RBM39: variants seen among roughly 807,000 people sequenced by gnomAD.
RBM39 encodes RNA-binding protein 39.
RBM39 carries 12 observed loss-of-function variants against 79.6 expected under a neutral mutation model. That is an observed-to-expected ratio of 0.15 (90% CI 0.10 to 0.24). RBM39 has a LOEUF of 0.24. Ranked by LOEUF, RBM39 falls within the 10% of genes least tolerant of loss-of-function variation. RBM39 has a pLI of 1.00. For synonymous variants in RBM39, 185 were observed against 208.4 expected (o/e 0.89, Z 0.97); for missense variants, 243 against 653.4 (o/e 0.37, Z 6.85).
At chr20:35,719,383 T>C (rs75751462) in intron 9 of RBM39, among the ~76,000 whole-genome samples, 6,442 of 152,188 alleles carry the variant, frequency 0.042, 219 homozygotes, top group South Asian at 0.18. Flanking sequence ...GTTGAGTACT[T>C]GCAACAAGAC....
intron 13 of RBM39, among the ~76,000 whole-genome samples, chr20:35,708,289 C>G (rs2035993373): frequency 1.3e-5 from 2 of 151,712 alleles, no homozygotes; most frequent in Admixed American, 6.6e-5. Flanking sequence ...GTGTAGCTTA[C>G]AGAAGATATG....
intron 6 of RBM39, among the ~76,000 whole-genome samples, chr20:35,726,852 C>T (rs1417180646): frequency 6.6e-6 from 1 of 151,682 alleles, no homozygotes; most frequent in Admixed American, 6.6e-5. Flanking sequence ...TTTGGAAACG[C>T]AGTCTAGCTG....
intron 9 of RBM39, among the ~76,000 whole-genome samples, chr20:35,719,349 T>C (rs1297794030): frequency 6.6e-6 from 1 of 152,046 alleles, no homozygotes; most frequent in East Asian, 1.9e-4. Flanking sequence ...AATTTCTTAA[T>C]AGCTTACAGC....
chr20:35,705,051 G>T (rs1045935410), intron 15 of RBM39, 174 bp downstream of exon 15: 1 of 604,676 alleles, frequency 1.7e-6, no homozygotes, highest in Non-Finnish European at 2.9e-6. Flanking sequence ...AATTGTTACT[G>T]ATTTTCTTTT....
Position 35,741,936 on chromosome 20 carries a change from C to G in RBM39, c.-14+5G>C, listed in dbSNP as rs1272650668. The G allele has an allele frequency of 5.1e-6, 1 of 196,696 alleles. No homozygotes were observed. Among genetic ancestry groups the G allele is most frequent in the African/African-American group, 2.4e-5 (1 of 41,694 alleles). The allele number at this position is 196,696 out of a possible 1,614,324, so 12.2% of individuals were successfully genotyped here. On this transcript the variant is annotated splice_donor_5th_base_variant and intron_variant, in intron 1 of 16. Coordinates refer to ENST00000253363, the MANE Select transcript of RBM39 (RefSeq NM_184234.3). The stretch of plus-strand genomic sequence containing the variant: ...GATAATACGCGGGTCCGCAACGCCC[C>G]GTACCTGTTCCGGCCTTCGGGCGCC...
At chr20:35,706,022 C>T (rs1013181487) in intron 14 of RBM39, among the ~76,000 whole-genome samples, 2 of 151,954 alleles carry the variant, frequency 1.3e-5, no homozygotes, top group Non-Finnish European at 2.9e-5. Flanking sequence ...GCCAACATGG[C>T]GAAACCCCAG....
At chr20:35,713,643 A>T (rs1440937044) in intron 11 of RBM39, 1 of 146,926 alleles carries the variant, frequency 6.8e-6, no homozygotes, top group Non-Finnish European at 1.5e-5. Context: ...ATCTCTTAAA[A>T]ACAACCAACC....
intron 15 of RBM39, 36 bp downstream of exon 15, chr20:35,705,189 C>T (rs780645455): frequency 1.5e-5 from 19 of 1,252,834 alleles, no homozygotes; most frequent in Non-Finnish European, 3.4e-6. Flanking sequence ...TAGAGACGAA[C>T]AACCTAACAT....
intron 14 of RBM39, among the ~76,000 whole-genome samples, chr20:35,706,788 T>A (rs2146483234): frequency 6.6e-6 from 1 of 151,886 alleles, no homozygotes; most frequent in East Asian, 1.9e-4. Context: ...AGCACTTTGG[T>A]AGGCTAAGGT....
At chr20:35,710,573 G>A (rs572583816) in intron 12 of RBM39, 1 of 152,090 alleles carries the variant, frequency 6.6e-6, no homozygotes, top group Non-Finnish European at 1.5e-5. Flanking sequence ...ACCTATTTTA[G>A]AAAGGGCCTA....
In RBM39 at chr20:35,702,435, G is replaced by A. The variant is rs191949859; in HGVS notation, c.*2046C>T. ...TTATTTACACACCAAATTTCACTCT[G>A]GTAGCAACTAAATTTTGGCACAGAT... On this transcript the variant is annotated 3_prime_UTR_variant, in exon 17 of 17. Transcript: ENST00000253363. 1.3e-5 allele frequency: 2 copies of A among 152,222 alleles called. No individual in the cohort carries two copies. The highest frequency in any genetic ancestry group is 2.4e-5 in the African/African-American group (1 of 41,484). 9.4% of individuals were successfully genotyped at this position (152,222 alleles called of 1,614,324 possible).
chr20:35,720,654 C>T (rs2037796362), intron 9 of RBM39, among the ~76,000 whole-genome samples: 1 of 151,890 alleles, frequency 6.6e-6, no homozygotes, highest in South Asian at 2.1e-4. Flanking sequence ...ACCTGTAAAC[C>T]CAACTACTCG....
chr20:35,718,840 A>G (rs1236409610), intron 9 of RBM39, among the ~76,000 whole-genome samples: 1 of 146,192 alleles, frequency 6.8e-6, no homozygotes, highest in East Asian at 2.0e-4. Context: ...AAAAAAAGCC[A>G]GGCATGGCGG....
rs1366631683 is a variant in RBM39, at chr20:35,704,272, G to GAAC, written c.*206_*208dup. 5.0e-6 allele frequency: 2 copies of GAAC among 403,982 alleles called. No homozygotes were observed. Among genetic ancestry groups the GAAC allele is most frequent in the East Asian group, 8.6e-5 (2 of 23,306 alleles). The allele number at this position is 403,982 out of a possible 1,614,324, so 25.0% of individuals were successfully genotyped here. ...GAACATTTTAAAAGGCAGAACAAGA[G>GAAC]AACAGTTTTGTATACAGTGGGATTT... On this transcript the variant is annotated 3_prime_UTR_variant, in exon 17 of 17. Coordinates refer to ENST00000253363, the MANE Select transcript of RBM39 (RefSeq NM_184234.3).
At chr20:35,741,698 C>A (rs553388778) in intron 1 of RBM39, 70 of 152,214 alleles carry the variant, frequency 4.6e-4, no homozygotes, top group Non-Finnish European at 5.1e-4. Flanking sequence ...AGGTCGCGGC[C>A]GGCCCAGGCC....
intron 3 of RBM39, chr20:35,732,687 A>C (rs1164024798): frequency 1.3e-5 from 2 of 153,304 alleles, no homozygotes; most frequent in Non-Finnish European, 2.9e-5. Flanking sequence ...CCTGAGAGTT[A>C]GCTATAGCTT....
chr20:35,729,641 G>T, intron 4 of RBM39, 114 bp from the exon 5 acceptor site: 1 of 911,796 alleles, frequency 1.1e-6, no homozygotes, highest in Non-Finnish European at 1.7e-6. Context: ...TTCCACCTCA[G>T]TTATGAAGAG....
intron 12 of RBM39, among the ~76,000 whole-genome samples, chr20:35,709,966 A>C (rs1210827321): frequency 1.3e-5 from 2 of 152,098 alleles, no homozygotes; most frequent in African/African-American, 4.8e-5. Flanking sequence ...AAAACATCTA[A>C]TCAGTATTAA....
chr20:35,732,894 C>T (rs964547087), intron 3 of RBM39: 2 of 152,146 alleles, frequency 1.3e-5, no homozygotes, highest in Non-Finnish European at 2.9e-5. Context: ...TAGTAATTTA[C>T]CATTAAGTCA....
Sources: gnomAD v4.1 joint callset for allele counts (sites outside exome capture counted in the v4.1 genomes callset) on GRCh38, gnomAD v4.1.1 for gene constraint, MANE v1.5 for transcripts, NCBI Gene and HGNC (gene_info 2026-07-23, HGNC 2026-07-21) for gene names.